The following NUF2 variants were observed in gnomAD, a reference collection of about 807,000 sequenced individuals.
The protein encoded by NUF2 is kinetochore protein Nuf2.
Under a neutral mutation model 61.8 loss-of-function variants are expected in NUF2, and 34 were observed. The ratio of observed to expected loss-of-function variants is 0.55; its 90% CI spans 0.42 to 0.73. The LOEUF is 0.73. Ranked by LOEUF, NUF2 falls within the 30% of genes least tolerant of loss-of-function variation. NUF2 has a pLI of 0.00. For synonymous variants in NUF2, 172 were observed against 181.6 expected (o/e 0.95, Z 0.42); for missense variants, 445 against 539.1 (o/e 0.83, Z 1.73).
rs1650487262 is a variant in NUF2 at position 163,328,121 on chromosome 1, T to G, written c.199-107T>G. 5 of 667,140 alleles carry G rather than the reference T, an allele frequency of 7.5e-6. No individual in the cohort carries two copies. The East Asian group carries it at 1.1e-4, about 14-fold the overall frequency. The allele number at this position is 667,140 out of a possible 1,614,324, so 41.3% of individuals were successfully genotyped here. A position where few individuals can be genotyped will look rare whatever the true frequency, so the allele number is the denominator to read the frequency against. ...ATTTATACTAGGATATGTATTAAGG[T>G]TTTTAATTTAATGATAGTGAGTTAA... is the stretch of plus-strand genomic sequence containing the variant. On this transcript the variant is annotated intron_variant, in intron 3 of 13. Coordinates refer to ENST00000271452, the MANE Select transcript of NUF2 (RefSeq NM_145697.3).
intron 2 of NUF2, 48 bp downstream of exon 2, chr1:163,326,222 A>C (rs1571372725): frequency 3.8e-6 from 6 of 1,591,826 alleles, no homozygotes; most frequent in East Asian, 4.5e-5. Context: ...TTAGGGAAAA[A>C]GTAAGCTACT....
rs1278643890 is a variant in NUF2 at position 163,342,828 on chromosome 1, C to T, written c.670-905C>T. On this transcript the variant is annotated intron_variant, in intron 9 of 13. Coordinates refer to ENST00000271452, the MANE Select transcript of NUF2 (RefSeq NM_145697.3). ...CATCATATGCATACACATATAGAGG[C>T]ACATAATCATGTGTCACTGTTTTGT... Among the ~76,000 whole-genome samples the T allele has an allele frequency of 2.0e-5, 3 of 152,092 alleles. No homozygotes were observed. In the East Asian group the frequency reaches 5.8e-4, roughly 29 times the overall value.
intron 8 of NUF2, among the ~76,000 whole-genome samples, chr1:163,339,692 T>C (rs1040862470): frequency 6.6e-6 from 1 of 152,110 alleles, no homozygotes; most frequent in South Asian, 2.1e-4. Context: ...TGTTGTCTTA[T>C]TGAATAGAAT....
intron 11 of NUF2, chr1:163,346,325 T>G (rs1651127209): frequency 6.6e-6 from 1 of 152,202 alleles, no homozygotes. Context: ...TATCTTATTG[T>G]ACTAAAATCA....
At chr1:163,325,426 G>C (rs1445173120) in intron 1 of NUF2, among the ~76,000 whole-genome samples, 4 of 152,180 alleles carry the variant, frequency 2.6e-5, no homozygotes, top group African/African-American at 9.7e-5. Flanking sequence ...ACTACGTGAA[G>C]ACATTAGGAG....
intron 5 of NUF2, among the ~76,000 whole-genome samples, chr1:163,334,618 AAAT>A (rs1289536939): frequency 6.6e-6 from 1 of 152,112 alleles, no homozygotes; most frequent in East Asian, 1.9e-4. Context: ...TCTACAAAAA[AAAT>A]GTTAAAAATG....
At chr1:163,335,959 T>C (rs1650744367) in intron 5 of NUF2, among the ~76,000 whole-genome samples, 1 of 152,236 alleles carries the variant, frequency 6.6e-6, no homozygotes, top group African/African-American at 2.4e-5. Flanking sequence ...TGCTTTTATT[T>C]CTTCATATTG....
Position 163,336,824 on chromosome 1 carries a change from G to T in NUF2, c.411G>T (p.Thr137=). 6.2e-7 allele frequency: 1 copy of T among 1,611,122 alleles called. No individual in the cohort carries two copies. The highest frequency in any genetic ancestry group is 1.1e-5 in the South Asian group (1 of 90,992). The part of the protein sequence containing the change: ...FIHFREACRE[T]YMEFLWQYKS... ...ACTTCAGAGAAGCATGCCGTGAAAC[G>T]TATATGGAATTTCTTTGGCAATATG... is the stretch of plus-strand genomic sequence containing the variant. Residue 137 remains threonine (T), a synonymous_variant, in exon 6 of 14, where the codon ACG becomes ACT. Transcript: ENST00000271452.
intron 4 of NUF2, 137 bp downstream of exon 4, chr1:163,328,441 A>G (rs1017392026): frequency 1.8e-6 from 1 of 541,634 alleles, no homozygotes; most frequent in Non-Finnish European, 3.2e-6. Context: ...CATTCATTCA[A>G]ACTTTCAAAA....
At position 163,348,857 on chromosome 1, in the gene NUF2, T is replaced by C. The variant is rs1651217893; in HGVS notation, c.1125-88T>C. On this transcript the variant is annotated intron_variant, in intron 12 of 13. Transcript: ENST00000271452. ...TTTAGGTTTGTCAAATACTGACACA[T>C]GGTCACTTTGGAATCAAAACTAGAA... 7 of 1,416,684 alleles carry C rather than the reference T, an allele frequency of 4.9e-6. No individual in the cohort carries two copies. The Admixed American group carries it at 1.3e-4, about 27-fold the overall frequency. The allele number at this position is 1,416,684 out of a possible 1,614,324, so 87.8% of individuals were successfully genotyped here. A position where few individuals can be genotyped will look rare whatever the true frequency, so the allele number is the denominator to read the frequency against.
chr1:163,348,932 G>T lies in NUF2; in HGVS notation c.1125-13G>T. The T allele has an allele frequency of 1.3e-6, 2 of 1,598,762 alleles. No individual in the cohort carries two copies. The highest frequency in any genetic ancestry group is 1.7e-6 in the Non-Finnish European group (2 of 1,176,338). On this transcript the variant is annotated splice_polypyrimidine_tract_variant and intron_variant, in intron 12 of 13. Coordinates refer to ENST00000271452, the MANE Select transcript of NUF2 (RefSeq NM_145697.3). ...AAGAGGATTAAATATTAGCTGTCTCGATTTTCTTTCAGGGATTGCAATAAA... is the reference window on the plus strand; with the variant it reads ...AAGAGGATTAAATATTAGCTGTCTCTATTTTCTTTCAGGGATTGCAATAAA...
At chr1:163,332,984 G>T (rs1403965778) in intron 5 of NUF2, among the ~76,000 whole-genome samples, 1 of 152,164 alleles carries the variant, frequency 6.6e-6, no homozygotes, top group East Asian at 1.9e-4. Context: ...ATTGGATCCA[G>T]TTGGTTAATA....
chr1:163,324,903 T>TC (rs1553230294), intron 1 of NUF2, among the ~76,000 whole-genome samples: 18 of 119,690 alleles, frequency 1.5e-4, no homozygotes, highest in South Asian at 3.4e-4. Flanking sequence ...TTTCTTTCTT[T>TC]TTTTTTTTTT....
chr1:163,339,822 T>C (rs1650882096), intron 8 of NUF2, among the ~76,000 whole-genome samples: 1 of 152,162 alleles, frequency 6.6e-6, no homozygotes, highest in Non-Finnish European at 1.5e-5. Context: ...AGGGAACCAC[T>C]GTAGTACTCA....
chr1:163,345,721 ACTGC>A lies in NUF2; in HGVS notation c.858_861del (p.Pro287HisfsTer23). On this transcript the variant is annotated frameshift_variant, in exon 11 of 14. Transcript: ENST00000271452. LOFTEE classifies it high-confidence loss of function. ...TATGAAATCTATGGAGACTCAGTTG[ACTGC>A]CTGCCTTCATGTCAGTTGGAAGTGC... 6.2e-7 allele frequency: 1 copy of A among 1,612,920 alleles called. No homozygotes were observed. The highest frequency in any genetic ancestry group is 8.5e-7 in the Non-Finnish European group (1 of 1,179,120).
At position 163,337,904 on chromosome 1, in the gene NUF2, A is replaced by G. The variant is rs1571386010; in HGVS notation, c.436-116A>G. 6.7e-6 allele frequency: 5 copies of G among 750,006 alleles called. No individual in the cohort carries two copies. In the East Asian group the frequency reaches 1.3e-4, roughly 19 times the overall value. 46.5% of individuals were successfully genotyped at this position (750,006 alleles called of 1,614,324 possible). A position where few individuals can be genotyped will look rare whatever the true frequency, so the allele number is the denominator to read the frequency against. ...CTAATTCATTTGTCATGAAGGCCTA[A>G]CTCTATCTTAAATTTTTTATTTCTG... On this transcript the variant is annotated intron_variant, in intron 6 of 13. Coordinates refer to ENST00000271452, the MANE Select transcript of NUF2 (RefSeq NM_145697.3).
chr1:163,339,318 G>A lies in NUF2; in HGVS notation c.510-63G>A, dbSNP rs141551474. ...TCTTCATCTCAGTTATTTGAGGACA[G>A]GTATTTCATTTTAGCCTTTCAAAAG... is the stretch of plus-strand genomic sequence containing the variant. On this transcript the variant is annotated intron_variant, in intron 7 of 13. Transcript: ENST00000271452. 2.2e-4 allele frequency: 203 copies of A among 910,490 alleles called. 1 individual carries two copies. The East Asian group carries it at 4.8e-3, about 22-fold the overall frequency. 56.4% of individuals were successfully genotyped at this position (910,490 alleles called of 1,614,324 possible). A position where few individuals can be genotyped will look rare whatever the true frequency, so the allele number is the denominator to read the frequency against.
chr1:163,328,177 C>A, intron 3 of NUF2, 51 bp from the exon 4 acceptor site: 1 of 1,190,398 alleles, frequency 8.4e-7, no homozygotes. Context: ...AGATTTTTCT[C>A]ATTTTGTCTA....
intron 5 of NUF2, among the ~76,000 whole-genome samples, chr1:163,333,897 G>C (rs146304438): frequency 6.6e-6 from 1 of 152,010 alleles, no homozygotes; most frequent in African/African-American, 2.4e-5. Context: ...GTGAAATCTC[G>C]GCTTTTAGTG....
Sources: gnomAD v4.1 joint callset for allele counts (sites outside exome capture counted in the v4.1 genomes callset) on GRCh38, gnomAD v4.1.1 for gene constraint, MANE v1.5 for transcripts, NCBI Gene and HGNC (gene_info 2026-07-23, HGNC 2026-07-21) for gene names.